The following KSR1 variants were observed in gnomAD, a reference collection of about 807,000 sequenced individuals.
The protein encoded by KSR1 is kinase suppressor of ras 1.
Under a neutral mutation model 92.9 loss-of-function variants are expected in KSR1, and 35 were observed. That is an observed-to-expected ratio of 0.38 (90% CI 0.29 to 0.50). The LOEUF (loss-of-function observed/expected upper bound fraction) is 0.50. Ranked by LOEUF, KSR1 falls within the 20% of genes least tolerant of loss-of-function variation. The pLI is 0.94. For missense variants in KSR1, 972 were observed against 1,158.5 expected (o/e 0.84, Z 2.34); for synonymous variants, 467 against 472.6 (o/e 0.99, Z 0.15).
At chr17:27,485,571 C>T (rs1004248371) in intron 1 of KSR1, among the ~76,000 whole-genome samples, 3 of 152,040 alleles carry the variant, frequency 2.0e-5, no homozygotes, top group Non-Finnish European at 2.9e-5. Context: ...GAAGGAAATG[C>T]ATACAGTTGT....
chr17:27,602,114 TG>T (rs888108728), intron 11 of KSR1, among the ~76,000 whole-genome samples: 1 of 152,114 alleles, frequency 6.6e-6, no homozygotes, highest in Non-Finnish European at 1.5e-5. Flanking sequence ...AGACTGTAGC[TG>T]TTTTTTTTTT....
intron 4 of KSR1, among the ~76,000 whole-genome samples, chr17:27,584,603 C>A (rs1002323028): frequency 6.6e-6 from 1 of 152,208 alleles, no homozygotes; most frequent in Non-Finnish European, 1.5e-5. Context: ...TGGTCTCATT[C>A]CCATGCTAGA....
rs1453757074 is a variant in KSR1 at position 27,577,450 on chromosome 17, C to T, written c.373-42C>T. On this transcript the variant is annotated intron_variant, in intron 2 of 20. Transcript: ENST00000644974. This position sits in a 1 kb window ranked among gnomAD's most constrained non-coding sequence, Gnocchi z 4.5. ...GAGGCTGAGGGGCTCCCGGCCCAGC[C>T]GACTGCTCACCGCCTCTCTGCCTGT... The T allele has an allele frequency of 1.0e-5, 13 of 1,284,010 alleles. No individual in the cohort carries two copies. The highest frequency in any genetic ancestry group is 8.9e-5 in the South Asian group (7 of 78,304). The allele number at this position is 1,284,010 out of a possible 1,614,324, so 79.5% of individuals were successfully genotyped here. A position where few individuals can be genotyped will look rare whatever the true frequency, so the allele number is the denominator to read the frequency against.
intron 2 of KSR1, among the ~76,000 whole-genome samples, chr17:27,568,514 G>A (rs1004616489): frequency 1.3e-5 from 2 of 152,222 alleles, no homozygotes; most frequent in South Asian, 4.1e-4. Flanking sequence ...GAGGAGGAGG[G>A]GACTCGTCTG....
intron 2 of KSR1, among the ~76,000 whole-genome samples, chr17:27,553,480 C>A (rs879785345): frequency 1.3e-5 from 2 of 152,186 alleles, no homozygotes; most frequent in Admixed American, 6.5e-5. Context: ...GTCCTCCTTC[C>A]GTCCCCCCAG....
chr17:27,512,031 C>T (rs1375564242), intron 1 of KSR1, among the ~76,000 whole-genome samples: 1 of 152,134 alleles, frequency 6.6e-6, no homozygotes, highest in Non-Finnish European at 1.5e-5. Flanking sequence ...TAGCTTGAGC[C>T]GACTCTTCAG....
chr17:27,471,145 G>A (rs763198487), intron 1 of KSR1, among the ~76,000 whole-genome samples: 1 of 152,196 alleles, frequency 6.6e-6, no homozygotes, highest in Admixed American at 6.5e-5. Context: ...CTGTAAAGGC[G>A]TGAGCCACCG....
At chr17:27,576,350 A>G (rs965603531) in intron 2 of KSR1, among the ~76,000 whole-genome samples, 2 of 152,214 alleles carry the variant, frequency 1.3e-5, no homozygotes, top group East Asian at 1.9e-4. Context: ...TTTCCTATAC[A>G]TACATACCTC....
intron 2 of KSR1, among the ~76,000 whole-genome samples, chr17:27,562,076 C>G (rs2071852824): frequency 6.6e-6 from 1 of 152,148 alleles, no homozygotes; most frequent in Non-Finnish European, 1.5e-5. Context: ...GAACTCTAGT[C>G]CTCAAGTGAT....
At chr17:27,476,271 G>C (rs1302532880) in intron 1 of KSR1, among the ~76,000 whole-genome samples, 1 of 152,174 alleles carries the variant, frequency 6.6e-6, no homozygotes, top group Non-Finnish European at 1.5e-5. Flanking sequence ...ACGGAGAGTT[G>C]GTCCTCCAGG....
Position 27,482,259 on chromosome 17 carries a change from A to G in KSR1, c.231+25385A>G, listed in dbSNP as rs1449744519. On this transcript the variant is annotated intron_variant, in intron 1 of 20. Transcript: ENST00000644974. The stretch of plus-strand genomic sequence containing the variant: ...GGACAACATAGCAAAAAAAAAAATT[A>G]TATGTATATAAAAATTATATCCATG... Among the ~76,000 whole-genome samples the G allele has an allele frequency of 2.0e-5, 3 of 152,130 alleles. No individual in the cohort carries two copies. In the South Asian group the frequency reaches 6.2e-4, roughly 32 times the overall value.
At chr17:27,462,916 A>G (rs1165762911) in intron 1 of KSR1, among the ~76,000 whole-genome samples, 1 of 152,228 alleles carries the variant, frequency 6.6e-6, no homozygotes, top group Non-Finnish European at 1.5e-5. Context: ...ACATATACAT[A>G]TGCATCAGCA....
At chr17:27,520,084 G>A (rs982830007) in intron 1 of KSR1, among the ~76,000 whole-genome samples, 4 of 152,132 alleles carry the variant, frequency 2.6e-5, no homozygotes, top group South Asian at 2.1e-4. Flanking sequence ...CCTTTATACC[G>A]AATGAATTAT....
rs2074214162 is a variant in KSR1, at chr17:27,621,200, AG to A, written c.2637del (p.Ser880AlafsTer134). The A allele has an allele frequency of 2.5e-6, 1 of 398,482 alleles. No individual in the cohort carries two copies. Among genetic ancestry groups the A allele is most frequent in the South Asian group, 1.3e-4 (1 of 7,858 alleles). The allele number at this position is 398,482 out of a possible 1,614,324, so 24.7% of individuals were successfully genotyped here. On this transcript the variant is annotated frameshift_variant, in exon 20 of 21. Transcript: ENST00000644974. LOFTEE classifies it high-confidence loss of function. ...GTCGCTGGGCACTCCCAGTCGCTGG[AG>A]GAGCCGCTACTATGGAAAAGGACGC... The part of the protein sequence containing the change: ...GHFWKSADRW[R>X]SRYYGKGRYG...
intron 19 of KSR1, among the ~76,000 whole-genome samples, chr17:27,619,518 C>T (rs915937550): frequency 1.1e-4 from 17 of 151,442 alleles, no homozygotes; most frequent in African/African-American, 3.9e-4. Flanking sequence ...CTGCCTCAGC[C>T]TTCTGAGTAG....
At position 27,526,102 on chromosome 17, in the gene KSR1, C is replaced by T. The variant is rs200160712; in HGVS notation, c.232-24466C>T. Among the ~76,000 whole-genome samples the T allele has an allele frequency of 8.5e-3, 715 of 84,342 alleles. 8 individuals are homozygous for T. Among genetic ancestry groups the T allele is most frequent in the African/African-American group, 0.033 (646 of 19,848 alleles). 55.3% of individuals were successfully genotyped at this position (84,342 alleles called of 152,430 possible). On this transcript the variant is annotated intron_variant, in intron 1 of 20. Transcript: ENST00000644974. ...TTTCTTTCTTTCTTTCTTTCTCTCT[C>T]TCTCTCTCTCTCTCTCATGGTTCTT...
chr17:27,603,479 G>A (rs2073639119), intron 11 of KSR1, among the ~76,000 whole-genome samples: 1 of 152,252 alleles, frequency 6.6e-6, no homozygotes, highest in South Asian at 2.1e-4. Context: ...TCCAGTAAAT[G>A]AGAGCCCAGT....
chr17:27,520,751 C>T (rs1183506238), intron 1 of KSR1, among the ~76,000 whole-genome samples: 1 of 152,212 alleles, frequency 6.6e-6, no homozygotes, highest in Non-Finnish European at 1.5e-5. Flanking sequence ...CTCTCACTGG[C>T]CTCCTTTTCC....
chr17:27,457,259 G>A (rs2019220679), intron 1 of KSR1, among the ~76,000 whole-genome samples: 1 of 152,164 alleles, frequency 6.6e-6, no homozygotes, highest in African/African-American at 2.4e-5. Context: ...CGTGGGCCAG[G>A]GTGACGGAGG....
Sources: gnomAD v4.1 joint callset for allele counts (sites outside exome capture counted in the v4.1 genomes callset) on GRCh38, gnomAD v4.1.1 for gene constraint, Gnocchi (gnomAD v3.1) non-coding constraint, MANE v1.5 for transcripts, NCBI Gene and HGNC (gene_info 2026-07-23, HGNC 2026-07-21) for gene names.